The following NCOR2 variants were observed in gnomAD, a reference collection of about 807,000 sequenced individuals.
The protein encoded by NCOR2 is nuclear receptor corepressor 2.
NCOR2 carries 81 observed loss-of-function variants against 262.9 expected under a neutral mutation model. The observed-to-expected ratio is 0.31, with a 90% CI of 0.26 to 0.37. The LOEUF (loss-of-function observed/expected upper bound fraction) is 0.37. Among genes scored for constraint, NCOR2 ranks in the 10% least tolerant of loss-of-function variants. The pLI is 1.00. For synonymous variants in NCOR2, 1,659 were observed against 1,559.3 expected (o/e 1.06, Z -1.51); for missense variants, 3,385 against 3,621.4 (o/e 0.93, Z 1.68).
At chr12:124,382,854 T>TC (rs1478895850) in intron 17 of NCOR2, among the ~76,000 whole-genome samples, 2 of 152,202 alleles carry the variant, frequency 1.3e-5, no homozygotes, top group African/African-American at 4.8e-5. Context: ...CACTTGTTCT[T>TC]CAACAGCCCT....
intron 1 of NCOR2, among the ~76,000 whole-genome samples, chr12:124,489,477 G>A (rs2047961626): frequency 6.6e-6 from 1 of 152,216 alleles, no homozygotes; most frequent in Non-Finnish European, 1.5e-5. Flanking sequence ...GGCAAAGGCT[G>A]AGCTGGCTTT....
intron 17 of NCOR2, among the ~76,000 whole-genome samples, chr12:124,380,614 C>T (rs1355883059): frequency 1.3e-5 from 2 of 152,102 alleles, no homozygotes; most frequent in South Asian, 2.1e-4. Context: ...CCCTGCTTCC[C>T]GAATCTATTT....
intron 17 of NCOR2, among the ~76,000 whole-genome samples, chr12:124,379,574 CG>C (rs537310340): frequency 2.0e-3 from 300 of 152,090 alleles, no homozygotes; most frequent in African/African-American, 7.0e-3. Context: ...CCTGGTGTGA[CG>C]GGGGGGCGGC....
intron 13 of NCOR2, among the ~76,000 whole-genome samples, chr12:124,414,997 ACAGAGGTAC>A (rs1201622762): frequency 2.0e-5 from 3 of 152,164 alleles, no homozygotes; most frequent in Admixed American, 6.5e-5. Context: ...GAACCGGCCC[ACAGAGGTAC>A]CCTGGGTGCC....
rs200249651 is a variant in NCOR2, at chr12:124,439,758, T to C, written c.816-1762A>G. Among the ~76,000 whole-genome samples the C allele has an allele frequency of 4.8e-3, 718 of 149,036 alleles. 21 individuals are homozygous for C. In the East Asian group the frequency reaches 0.082, roughly 17 times the overall value. Reference sequence around the variant, plus strand: ...GGATCAGAGAGAGAGAGAGAGGCAGTCACAGAGAGACAAGATCCAAAGGAA... The same window carrying C: ...GGATCAGAGAGAGAGAGAGAGGCAGCCACAGAGAGACAAGATCCAAAGGAA... On this transcript the variant is annotated intron_variant, in intron 7 of 46. Transcript: ENST00000405201.
intron 20 of NCOR2, among the ~76,000 whole-genome samples, chr12:124,370,026 G>A (rs1331934715): frequency 2.0e-5 from 3 of 152,174 alleles, no homozygotes; most frequent in East Asian, 1.9e-4. Context: ...GCGGTCCCCC[G>A]GCGAAGGCAG....
At chr12:124,489,082 C>A (rs908442825) in intron 1 of NCOR2, among the ~76,000 whole-genome samples, 18 of 151,926 alleles carry the variant, frequency 1.2e-4, no homozygotes, top group Admixed American at 1.2e-3. Context: ...AGGGACTCCC[C>A]CAACAAGAGT....
In NCOR2 at chr12:124,521,469, G is replaced by C. The variant is rs140858675; in HGVS notation, c.-118+14096C>G. Among the ~76,000 whole-genome samples the C allele has an allele frequency of 8.8e-3, 1,336 of 152,276 alleles. 21 individuals carry two copies. Among genetic ancestry groups the C allele is most frequent in the African/African-American group, 0.03 (1,244 of 41,546 alleles). On this transcript the variant is annotated intron_variant, in intron 1 of 46. Transcript: ENST00000404621. Reference sequence around the variant, plus strand: ...TGAAGGACTCACACCATTCAACACGGATCAACCTCAAACACATTGTGCGGA... The same window carrying C: ...TGAAGGACTCACACCATTCAACACGCATCAACCTCAAACACATTGTGCGGA...
At chr12:124,498,110 C>T (rs973798378), upstream of NCOR2, among the ~76,000 whole-genome samples, 1 of 152,210 alleles carries the variant, frequency 6.6e-6, no homozygotes, top group South Asian at 2.1e-4. Flanking sequence ...GTGCTGTTCC[C>T]GAGGTCTGCC....
intron 1 of NCOR2, among the ~76,000 whole-genome samples, chr12:124,500,923 GCGC>G (rs1292864019): frequency 1.3e-4 from 20 of 152,308 alleles, no homozygotes; most frequent in African/African-American, 4.8e-4. Context: ...GCGGGGCTCT[GCGC>G]CGCACGTGCC....
chr12:124,344,490 G>T, intron 32 of NCOR2, 107 bp downstream of exon 34: 1 of 1,051,508 alleles, frequency 9.5e-7, no homozygotes, highest in Non-Finnish European at 1.3e-6. Flanking sequence ...GGTGGAAAGC[G>T]GGTGGCGAGG....
chr12:124,438,924 C>G (rs111205144), intron 7 of NCOR2, among the ~76,000 whole-genome samples: 6 of 11,300 alleles, frequency 5.3e-4, no homozygotes, highest in South Asian at 8.5e-3. Flanking sequence ...GAGAGAGAGA[C>G]GGAGACCCAG....
intron 31 of NCOR2, among the ~76,000 whole-genome samples, chr12:124,346,199 C>A (rs1172299716): frequency 6.6e-6 from 1 of 152,192 alleles, no homozygotes; most frequent in Non-Finnish European, 1.5e-5. Flanking sequence ...GGGGGTGAAA[C>A]AATGAACGCA....
Position 124,337,184 on chromosome 12 carries a change from G to A in NCOR2, c.5688-4C>T, listed in dbSNP as rs762178134. ...GGGTGAGGAGGTGGAGGTGGACCTG[G>A]GGGAGGAGAGAAGGCGGTCAGGCAG... On this transcript the variant is annotated splice_polypyrimidine_tract_variant and splice_region_variant and intron_variant, in intron 37 of 46. Coordinates refer to ENST00000405201, the Ensembl canonical transcript of NCOR2. The A allele has an allele frequency of 1.2e-5, 18 of 1,544,522 alleles. No homozygotes were observed. In the Admixed American group the frequency reaches 1.6e-4, roughly 14 times the overall value.
At chr12:124,424,936 G>A (rs867482909) in intron 11 of NCOR2, among the ~76,000 whole-genome samples, 4 of 152,240 alleles carry the variant, frequency 2.6e-5, no homozygotes, top group South Asian at 4.1e-4. Flanking sequence ...CTGAGGTCCT[G>A]AGGAGGTGCT....
At chr12:124,431,825 A>C (rs919541058) in intron 8 of NCOR2, among the ~76,000 whole-genome samples, 4 of 151,190 alleles carry the variant, frequency 2.6e-5, no homozygotes, top group African/African-American at 4.9e-5. Flanking sequence ...AGACAGACAC[A>C]CAGTCACACA....
chr12:124,486,236 G>C (rs1450956797), intron 2 of NCOR2: 2 of 658,098 alleles, frequency 3.0e-6, no homozygotes, highest in Non-Finnish European at 4.7e-6. Flanking sequence ...TTCCACGCTG[G>C]AAGTCTGAGG....
At chr12:124,390,596 C>G (rs974825027) in intron 16 of NCOR2, among the ~76,000 whole-genome samples, 2 of 152,196 alleles carry the variant, frequency 1.3e-5, no homozygotes, top group African/African-American at 4.8e-5. Flanking sequence ...TGCTGAGCAC[C>G]CTGGGCATCT....
chr12:124,492,748 G>A (rs1002183430), intron 1 of NCOR2, among the ~76,000 whole-genome samples: 2 of 152,174 alleles, frequency 1.3e-5, no homozygotes, highest in Non-Finnish European at 2.9e-5. Context: ...GGGGCTTCCA[G>A]GGAGGGGCCT....
Sources: gnomAD v4.1 joint callset for allele counts (sites outside exome capture counted in the v4.1 genomes callset) on GRCh38, gnomAD v4.1.1 for gene constraint, MANE v1.5 for transcripts, NCBI Gene and HGNC (gene_info 2026-07-23, HGNC 2026-07-21) for gene names.